Variants in LYG2 observed in about 807,000 individuals in gnomAD.
LYG2 encodes the protein lysozyme g-like protein 2.
Under a neutral mutation model 22.4 loss-of-function variants are expected in LYG2, and 25 were observed. The ratio of observed to expected loss-of-function variants is 1.12; its 90% CI spans 0.81 to 1.56. The LOEUF is 1.56. Ranked by LOEUF, LYG2 falls within the 40% of genes most tolerant of loss-of-function variation. The probability of loss-of-function intolerance (pLI) is 0.00; values close to 1 mark genes in which losing one functional copy is unlikely to be tolerated. For missense variants in LYG2, 266 were observed against 269.5 expected (o/e 0.99, Z 0.09); for synonymous variants, 88 against 97.0 (o/e 0.91, Z 0.55).
chr2:99,250,278 A>T (rs1366663235), intron 3 of LYG2, among the ~76,000 whole-genome samples: 1 of 152,226 alleles, frequency 6.6e-6, no homozygotes, highest in Non-Finnish European at 1.5e-5. Context: ...AGACAAAAAA[A>T]GAAAATAGTC....
At chr2:99,246,959 G>T in intron 3 of LYG2, 139 bp from the exon 4 acceptor site, 1 of 782,006 alleles carries the variant, frequency 1.3e-6, no homozygotes. Flanking sequence ...TTGTTCCTCA[G>T]ACAGAAGTTC....
In LYG2 at chr2:99,245,530, G is replaced by A. The variant is rs2094014573; in HGVS notation, c.185-72C>T. ...GCCTGAAGTCAGTTCCTGCTACACA[G>A]GAGGCTGAAACAGGAGGATTGCTTG... On this transcript the variant is annotated intron_variant, in intron 4 of 6. Coordinates refer to ENST00000333017, the MANE Select transcript of LYG2 (RefSeq NM_175735.4). 3.1e-6 allele frequency: 3 copies of A among 966,202 alleles called. No homozygotes were observed. In the Admixed American group the frequency reaches 7.5e-5, roughly 24 times the overall value. 59.9% of individuals were successfully genotyped at this position (966,202 alleles called of 1,614,324 possible).
intron 4 of LYG2, among the ~76,000 whole-genome samples, chr2:99,245,669 A>G (rs1488517625): frequency 1.3e-5 from 2 of 151,952 alleles, no homozygotes; most frequent in Non-Finnish European, 2.9e-5. Context: ...TGTTTCTTCT[A>G]CTTCAGAAGA....
At chr2:99,261,472 G>A in the LYG2 span, among the ~76,000 whole-genome samples, 3 of 152,176 alleles carry the variant, frequency 2.0e-5, no homozygotes, top group Non-Finnish European at 2.9e-5. Flanking sequence ...CCTGCTTCCT[G>A]CAGTCTTGAT....
At chr2:99,245,142 C>A in intron 5 of LYG2, 120 bp downstream of exon 5, 1 of 1,144,576 alleles carries the variant, frequency 8.7e-7, no homozygotes, top group South Asian at 2.1e-5. Context: ...GCTGGAGTAC[C>A]TGTAGCCAGA....
upstream of LYG2, among the ~76,000 whole-genome samples, chr2:99,257,321 C>T (rs1177191719): frequency 6.6e-6 from 1 of 152,222 alleles, no homozygotes; most frequent in African/African-American, 2.4e-5. Flanking sequence ...TTAATACGCA[C>T]TGACCTTGTA....
intron 5 of LYG2, 148 bp from the exon 6 acceptor site, chr2:99,244,285 G>A: frequency 1.3e-6 from 1 of 766,918 alleles, no homozygotes. Flanking sequence ...TCATATAGAT[G>A]AGAGTCAGAG....
rs143389707 is a variant in LYG2 at position 99,242,448 on chromosome 2, C to T, written c.555G>A (p.Ala185=). 2.0e-5 allele frequency: 33 copies of T among 1,612,718 alleles called. No homozygotes were observed. Among genetic ancestry groups the T allele is most frequent in the East Asian group, 4.5e-5 (2 of 44,810 alleles). Residue 185 remains alanine (A), a synonymous_variant, in exon 7 of 7, where the codon GCG becomes GCA. Coordinates refer to ENST00000333017, the MANE Select transcript of LYG2 (RefSeq NM_175735.4). ...GLSAFKSGIE[A]IATPSDIDND... Reference sequence around the variant, plus strand: ...TGTCTATGTCCGATGGGGTGGCAATCGCTTCAATTCCTGACTTAAAAGCTG... The same window carrying T: ...TGTCTATGTCCGATGGGGTGGCAATTGCTTCAATTCCTGACTTAAAAGCTG...
chr2:99,255,806 T>C (rs2094035153), upstream of LYG2, among the ~76,000 whole-genome samples: 1 of 152,042 alleles, frequency 6.6e-6, no homozygotes, highest in Non-Finnish European at 1.5e-5. Context: ...AGTAGCAACG[T>C]GAGTGCTCAT....
chr2:99,242,293 AC>A lies in LYG2; in HGVS notation c.*70del. On this transcript the variant is annotated 3_prime_UTR_variant, in exon 7 of 7. Transcript: ENST00000333017. Reference sequence around the variant, plus strand: ...TTTCTTTGCCAGTGTTGTATACAACACATTCACGTAAAACTCTCAAAGGCGG... The same window carrying A: ...TTTCTTTGCCAGTGTTGTATACAACAATTCACGTAAAACTCTCAAAGGCGG... 1.3e-6 allele frequency: 1 copy of A among 756,014 alleles called. No individual in the cohort carries two copies. Among genetic ancestry groups the A allele is most frequent in the South Asian group, 1.8e-5 (1 of 56,838 alleles). 46.8% of individuals were successfully genotyped at this position (756,014 alleles called of 1,614,324 possible).
chr2:99,243,100 A>T (rs1460125192), intron 6 of LYG2, among the ~76,000 whole-genome samples: 3 of 152,186 alleles, frequency 2.0e-5, no homozygotes, highest in Non-Finnish European at 4.4e-5. Context: ...AACTGTTCTG[A>T]TTAAGGCCGT....
intron 3 of LYG2, among the ~76,000 whole-genome samples, chr2:99,249,147 G>A (rs2094022000): frequency 6.6e-6 from 1 of 152,198 alleles, no homozygotes; most frequent in African/African-American, 2.4e-5. Context: ...AGGGCTGGAT[G>A]TTGTGGCTTA....
chr2:99,258,105 A>G (rs2094039686), upstream of LYG2, among the ~76,000 whole-genome samples: 1 of 152,138 alleles, frequency 6.6e-6, no homozygotes, highest in Admixed American at 6.6e-5. Flanking sequence ...GTCTGTGCTA[A>G]TAGAGACTGG....
intron 6 of LYG2, among the ~76,000 whole-genome samples, chr2:99,242,899 C>T (rs1436215341): frequency 6.6e-6 from 1 of 152,210 alleles, no homozygotes; most frequent in Non-Finnish European, 1.5e-5. Context: ...GCCACACTGA[C>T]TGCAAGGTAC....
chr2:99,245,523 C>G, intron 4 of LYG2, 65 bp from the exon 5 acceptor site: 1 of 1,057,202 alleles, frequency 9.5e-7, no homozygotes, highest in Non-Finnish European at 1.3e-6. Flanking sequence ...TCAGTTCCTG[C>G]TACACAGGAG....
chr2:99,244,252 A>AACAATAGAATTGACTCTTTGG, intron 5 of LYG2, 115 bp from the exon 6 acceptor site: 2 of 1,004,724 alleles, frequency 2.0e-6, no homozygotes, highest in Non-Finnish European at 1.4e-6. Flanking sequence ...ATCCCCAAAG[A>AACAATAGAATTGACTCTTTGG]GTCAATTCTA....
At chr2:99,254,388 C>A (rs182033682) in intron 2 of LYG2, 103 bp from the exon 3 acceptor site, 38 of 810,370 alleles carry the variant, frequency 4.7e-5, no homozygotes, top group East Asian at 3.2e-4. Flanking sequence ...ATTTCCAATT[C>A]ACTACTCATT....
rs777896628 is a variant in LYG2 at position 99,254,248 on chromosome 2, C to T, written c.13G>A (p.Val5Met). The T allele has an allele frequency of 1.1e-5, 17 of 1,613,996 alleles. No individual in the cohort carries two copies. In the Admixed American group the frequency reaches 2.2e-4, roughly 21 times the overall value. Residue 5 changes from valine (V) to methionine (M), a missense_variant, in exon 3 of 7, where the codon GTG becomes ATG. By Grantham distance (21) the Val-to-Met change is conservative (BLOSUM62 1). Coordinates refer to ENST00000333017, the MANE Select transcript of LYG2 (RefSeq NM_175735.4). ...AGGGCAATTAGTCCCCAAAACACCA[C>T]GGAGGATAACATGGCGGGGAATCTT... MLSSVVFWGLIALIG... is the reference protein window; with the variant it reads MLSSMVFWGLIALIG...
upstream of LYG2, among the ~76,000 whole-genome samples, chr2:99,258,098 TG>T (rs2094039671): frequency 6.6e-6 from 1 of 152,188 alleles, no homozygotes; most frequent in Admixed American, 6.5e-5. Flanking sequence ...AACACTAGTC[TG>T]TGCTAATAGA....
Sources: gnomAD v4.1 joint callset for allele counts (sites outside exome capture counted in the v4.1 genomes callset) on GRCh38, gnomAD v4.1.1 for gene constraint, MANE v1.5 for transcripts, NCBI Gene and HGNC (gene_info 2026-07-23, HGNC 2026-07-21) for gene names.